RSF1: variants seen among roughly 807,000 people sequenced by gnomAD.
RSF1 encodes the protein remodeling and spacing factor 1.
RSF1 carries 13 observed loss-of-function variants against 145.2 expected under a neutral mutation model. The ratio of observed to expected loss-of-function variants is 0.09; its 90% CI spans 0.06 to 0.14. RSF1 has a LOEUF of 0.14. Ranked by LOEUF, RSF1 falls within the 10% of genes least tolerant of loss-of-function variation. RSF1 has a pLI of 1.00. For missense variants in RSF1, 1,517 were observed against 1,718.2 expected, an observed-to-expected ratio of 0.88 and a Z score of 2.07; for synonymous variants, 577 against 592.6, an observed-to-expected ratio of 0.97 and a Z score of 0.38.
In RSF1 at chr11:77,662,954, TTC is replaced by T. The variant is rs1959265819; in HGVS notation, c.*3961_*3962del. On this transcript the variant is annotated 3_prime_UTR_variant, in exon 16 of 16. Coordinates refer to ENST00000308488, the MANE Select transcript of RSF1 (RefSeq NM_016578.4). The stretch of plus-strand genomic sequence containing the variant: ...ATCTGTTGCAATGCAGCCATCTTAT[TTC>T]TTTCAAGTTAATGATGGATTCATTT... The T allele has an allele frequency of 6.6e-6, 1 of 152,138 alleles. No homozygotes were observed. The highest frequency in any genetic ancestry group is 6.5e-5 in the Admixed American group (1 of 15,276). 9.4% of individuals were successfully genotyped at this position (152,138 alleles called of 1,614,324 possible). A position where few individuals can be genotyped will look rare whatever the true frequency, so the allele number is the denominator to read the frequency against.
the RSF1 span, among the ~76,000 whole-genome samples, chr11:77,826,815 T>A: frequency 1.8e-4 from 27 of 152,210 alleles, no homozygotes; most frequent in African/African-American, 5.5e-4. Flanking sequence ...GTAAAAATAC[T>A]GAATTGGAGC....
chr11:77,720,531 A>AT (rs1306863207), intron 5 of RSF1, among the ~76,000 whole-genome samples: 1 of 152,236 alleles, frequency 6.6e-6, no homozygotes, highest in Non-Finnish European at 1.5e-5. Flanking sequence ...AAATGACACC[A>AT]AACACTTACT....
At chr11:77,823,916 T>TAA (rs557186061), upstream of RSF1, among the ~76,000 whole-genome samples, 3 of 133,748 alleles carry the variant, frequency 2.2e-5, no homozygotes, top group Admixed American at 7.5e-5. Context: ...AATAACATTC[T>TAA]AAAAAAAAAA....
At chr11:77,776,530 C>T (rs950389361) in intron 1 of RSF1, among the ~76,000 whole-genome samples, 4 of 151,938 alleles carry the variant, frequency 2.6e-5, no homozygotes, top group Admixed American at 6.6e-5. Context: ...TAAAGCAGAA[C>T]GAAATGAGCT....
the RSF1 span, among the ~76,000 whole-genome samples, chr11:77,870,271 C>T: frequency 2.7e-5 from 4 of 149,016 alleles, no homozygotes; most frequent in South Asian, 2.1e-4. Flanking sequence ...TCTCCCGCCT[C>T]GGCCTCCCAA....
At chr11:77,758,017 C>T (rs897969366) in intron 2 of RSF1, among the ~76,000 whole-genome samples, 8 of 151,680 alleles carry the variant, frequency 5.3e-5, no homozygotes, top group African/African-American at 1.9e-4. Context: ...TCTGTAGTTC[C>T]GGCTACTGGG....
chr11:77,668,745 G>C (rs752211424), intron 15 of RSF1, among the ~76,000 whole-genome samples: 5 of 152,170 alleles, frequency 3.3e-5, no homozygotes, highest in Non-Finnish European at 7.3e-5. Flanking sequence ...GATATGGGTA[G>C]GTTATATGCG....
chr11:77,806,368 A>G (rs1948677875), intron 1 of RSF1, among the ~76,000 whole-genome samples: 1 of 152,246 alleles, frequency 6.6e-6, no homozygotes, highest in South Asian at 2.1e-4. Context: ...GGTTAATAAC[A>G]TATGCTTTTC....
chr11:77,714,548 A>C (rs1044822557), intron 5 of RSF1, among the ~76,000 whole-genome samples: 1 of 152,162 alleles, frequency 6.6e-6, no homozygotes, highest in East Asian at 1.9e-4. Context: ...AATCTTTCAC[A>C]TAAGAAGCAC....
the RSF1 span, among the ~76,000 whole-genome samples, chr11:77,866,138 T>C: frequency 1.3e-5 from 2 of 151,988 alleles, no homozygotes; most frequent in South Asian, 2.1e-4. Context: ...TTTGGAAGAG[T>C]AGTTTAGGAA....
intron 4 of RSF1, chr11:77,739,330 T>C (rs11823053): frequency 0.02 from 3,092 of 152,736 alleles, 95 homozygotes; most frequent in African/African-American, 0.07. Context: ...GAAAAGAATG[T>C]TTTAAACAAC....
the RSF1 span, among the ~76,000 whole-genome samples, chr11:77,839,529 T>C: frequency 1.2e-3 from 183 of 152,308 alleles, no homozygotes; most frequent in African/African-American, 4.2e-3. Flanking sequence ...CATATATTCA[T>C]TGCAGCACTG....
chr11:77,745,843 C>T (rs1947993935), intron 3 of RSF1, among the ~76,000 whole-genome samples: 1 of 151,856 alleles, frequency 6.6e-6, no homozygotes, highest in Non-Finnish European at 1.5e-5. Flanking sequence ...TATGCCTTTG[C>T]CTATGTCAGC....
chr11:77,801,437 G>C (rs1948625543), intron 1 of RSF1, among the ~76,000 whole-genome samples: 1 of 152,128 alleles, frequency 6.6e-6, no homozygotes, highest in African/African-American at 2.4e-5. Context: ...CTCAAAAAAA[G>C]AAGAAATACA....
intron 6 of RSF1, among the ~76,000 whole-genome samples, chr11:77,700,494 G>A (rs1473021336): frequency 2.0e-5 from 3 of 151,378 alleles, no homozygotes; most frequent in Admixed American, 6.6e-5. Context: ...TATTTGAATA[G>A]TTTACAAGGA....
At chr11:77,866,395 G>A in the RSF1 span, 3 of 152,214 alleles carry the variant, frequency 2.0e-5, no homozygotes, top group African/African-American at 7.2e-5. Context: ...TGAGGGATTG[G>A]AAGCAGCACA....
chr11:77,796,562 G>A (rs1232497403), intron 1 of RSF1, among the ~76,000 whole-genome samples: 2 of 152,106 alleles, frequency 1.3e-5, no homozygotes, highest in Admixed American at 1.3e-4. Context: ...GTACTGAACA[G>A]GCAAAAACTG....
At chr11:77,717,115 T>A (rs1590847662) in intron 5 of RSF1, among the ~76,000 whole-genome samples, 1 of 145,890 alleles carries the variant, frequency 6.9e-6, no homozygotes, top group Non-Finnish European at 1.5e-5. Context: ...GAGGTGGGGG[T>A]TGCAGTGAGC....
At chr11:77,757,574 A>G (rs1948128389) in intron 2 of RSF1, among the ~76,000 whole-genome samples, 1 of 152,208 alleles carries the variant, frequency 6.6e-6, no homozygotes, top group African/African-American at 2.4e-5. Flanking sequence ...GCTACTTGGG[A>G]GGCCAAGGCA....
Sources: allele counts gnomAD v4.1 joint callset (sites outside exome capture counted in the v4.1 genomes callset), GRCh38; gene constraint gnomAD v4.1.1; transcripts MANE v1.5; gene names NCBI Gene and HGNC (gene_info 2026-07-23, HGNC 2026-07-21).